Variants in OR3A2 observed in about 807,000 individuals in gnomAD.
The protein encoded by OR3A2 is olfactory receptor family 3 subfamily A member 2.
For missense variants in OR3A2, 318 were observed against 392.8 expected (o/e 0.81, Z 1.61); for synonymous variants, 126 against 159.3 (o/e 0.79, Z 1.57).
intron 3 of OR3A2, among the ~76,000 whole-genome samples, chr17:3,326,396 G>A (rs372840267): frequency 2.0e-4 from 30 of 152,068 alleles, no homozygotes; most frequent in Admixed American, 7.2e-4. Flanking sequence ...CATAGGCATC[G>A]GCAAAGATTG....
chr17:3,342,167 A>G (rs548232727), intron 2 of OR3A2, among the ~76,000 whole-genome samples: 1 of 152,138 alleles, frequency 6.6e-6, no homozygotes, highest in Non-Finnish European at 1.5e-5. Flanking sequence ...CCATTTGTCT[A>G]ATCTTTTTTC....
chr17:3,372,451 A>G (rs1248629705), intron 2 of OR3A2, among the ~76,000 whole-genome samples: 4 of 152,014 alleles, frequency 2.6e-5, no homozygotes, highest in Non-Finnish European at 5.9e-5. Context: ...CAATCTCGGC[A>G]CTTTGGGAGG....
intron 1 of OR3A2, among the ~76,000 whole-genome samples, chr17:3,283,461 G>A (rs1230560107): frequency 1.3e-5 from 2 of 152,162 alleles, no homozygotes; most frequent in Non-Finnish European, 2.9e-5. Context: ...CTGACCTCAG[G>A]TGATCCGCCC....
At chr17:3,312,636 T>C (rs1369318652) in intron 3 of OR3A2, among the ~76,000 whole-genome samples, 1 of 152,186 alleles carries the variant, frequency 6.6e-6, no homozygotes, top group Non-Finnish European at 1.5e-5. Flanking sequence ...TAGATTTATT[T>C]ATTTATGAGA....
At chr17:3,336,890 C>T (rs901512953) in intron 2 of OR3A2, among the ~76,000 whole-genome samples, 1 of 152,204 alleles carries the variant, frequency 6.6e-6, no homozygotes, top group Admixed American at 6.5e-5. Flanking sequence ...CTCACTCCTA[C>T]CTAACCCCAA....
Position 3,329,222 on chromosome 17 carries a change from T to A in OR3A2, c.-85+6811A>T, listed in dbSNP as rs528849206. 2.9e-3 allele frequency among the ~76,000 whole-genome samples: 434 copies of A among 151,924 alleles called. 6 individuals are homozygous for A. The highest frequency in any genetic ancestry group is 0.01 in the African/African-American group (416 of 41,370). ...CTTTGGTATCAGAATGATGCTGGCC[T>A]CATAAAATGAGTTAGGGAGGATTCC... On this transcript the variant is annotated intron_variant, in intron 3 of 4. Transcript: ENST00000573491.
At position 3,333,205 on chromosome 17, in the gene OR3A2, TA is replaced by T. The variant is rs1296422889; in HGVS notation, c.-85+2827del. On this transcript the variant is annotated intron_variant, in intron 3 of 4. Coordinates refer to the OR3A2 transcript ENST00000573491. ...GAGCATCTGTCTTATGCAGTTGAGA[TA>T]AGGACTGAAATACGCCCTGGTCTCC... 3.9e-5 allele frequency among the ~76,000 whole-genome samples: 6 copies of T among 152,184 alleles called. No homozygotes were observed. The East Asian group carries it at 1.2e-3, about 29-fold the overall frequency.
intron 3 of OR3A2, among the ~76,000 whole-genome samples, chr17:3,332,789 C>G (rs562689038): frequency 6.6e-6 from 1 of 152,338 alleles, no homozygotes; most frequent in Admixed American, 6.5e-5. Context: ...GGACATTTAT[C>G]AGTTCCCAAA....
intron 3 of OR3A2, among the ~76,000 whole-genome samples, chr17:3,327,832 G>T (rs1252621296): frequency 7.2e-6 from 1 of 139,802 alleles, no homozygotes; most frequent in East Asian, 2.3e-4. Context: ...CCCATTGCTT[G>T]GTTTTCTCAG....
At chr17:3,374,442 T>C (rs565946023) in intron 2 of OR3A2, among the ~76,000 whole-genome samples, 7 of 152,350 alleles carry the variant, frequency 4.6e-5, no homozygotes, top group African/African-American at 1.7e-4. Context: ...ATTATTCTTA[T>C]GTTTGGTTGT....
rs534549268 is a variant in OR3A2 at position 3,371,897 on chromosome 17, C to T, written c.-179+11907G>A. ...GGAGCTGACCCCCCCACCTCCCTCC[C>T]GGACGGGGCGGCTGGCCGGGCGGGG... On this transcript the variant is annotated intron_variant, in intron 2 of 4. Transcript: ENST00000573491. Among the ~76,000 whole-genome samples the T allele has an allele frequency of 1.1e-3, 158 of 146,256 alleles. 1 individual carries two copies. In the Middle Eastern group the frequency reaches 0.016, roughly 14 times the overall value.
rs890051588 is a variant in OR3A2, at chr17:3,354,559, T to C, written c.-178-18433A>G. Among the ~76,000 whole-genome samples, 51 of 151,420 alleles carry C rather than the reference T, an allele frequency of 3.4e-4. 4 individuals are homozygous for C. Among genetic ancestry groups the C allele is most frequent in the African/African-American group, 1.2e-3 (49 of 40,976 alleles). Reference sequence around the variant, plus strand: ...GAATTTATTGGCATATGGTTGCTAATAGTAGTCACTAATGATCCTTCAAAG... The same window carrying C: ...GAATTTATTGGCATATGGTTGCTAACAGTAGTCACTAATGATCCTTCAAAG... On this transcript the variant is annotated intron_variant, in intron 2 of 4. Transcript: ENST00000573491.
At chr17:3,365,024 T>C (rs2049551116) in intron 2 of OR3A2, among the ~76,000 whole-genome samples, 1 of 152,058 alleles carries the variant, frequency 6.6e-6, no homozygotes, top group African/African-American at 2.4e-5. Context: ...CAATGAGAAC[T>C]AAGAAATGGT....
chr17:3,286,202 G>T (rs373570042), upstream of OR3A2, among the ~76,000 whole-genome samples: 4 of 152,294 alleles, frequency 2.6e-5, no homozygotes, highest in South Asian at 4.1e-4. Context: ...TGCTGAGAAT[G>T]ATGGTTTCCA....
intron 2 of OR3A2, among the ~76,000 whole-genome samples, chr17:3,378,727 C>A (rs935733625): frequency 2.0e-5 from 3 of 152,180 alleles, no homozygotes; most frequent in African/African-American, 7.2e-5. Flanking sequence ...AGGTACTTCC[C>A]ACATGCCCAA....
At chr17:3,335,367 A>T (rs2049268880) in intron 3 of OR3A2, among the ~76,000 whole-genome samples, 1 of 152,094 alleles carries the variant, frequency 6.6e-6, no homozygotes. Flanking sequence ...CTGGAATATT[A>T]ATCTAGCCTT....
intron 2 of OR3A2, among the ~76,000 whole-genome samples, chr17:3,367,042 T>C (rs2150662139): frequency 6.6e-6 from 1 of 152,330 alleles, no homozygotes. Context: ...CACATGATTC[T>C]TCCACTATCC....
At chr17:3,284,778 C>T (rs1422142487), upstream of OR3A2, among the ~76,000 whole-genome samples, 3 of 142,576 alleles carry the variant, frequency 2.1e-5, no homozygotes, top group African/African-American at 8.4e-5. Flanking sequence ...CAAAGTCCCC[C>T]AGGAAGGGAG....
intron 2 of OR3A2, among the ~76,000 whole-genome samples, chr17:3,355,345 T>C (rs1037859907): frequency 2.0e-5 from 3 of 151,474 alleles, no homozygotes; most frequent in Non-Finnish European, 2.9e-5. Flanking sequence ...AGTCCTATCA[T>C]TTTTTGTTGA....
Sources: allele counts gnomAD v4.1 joint callset (sites outside exome capture counted in the v4.1 genomes callset), GRCh38; gene constraint gnomAD v4.1.1; transcripts MANE v1.5; gene names NCBI Gene and HGNC (gene_info 2026-07-23, HGNC 2026-07-21).